Variants in NME8 observed in about 807,000 individuals in gnomAD.
NME8 encodes protein NME8.
A neutral mutation model predicts 82.3 loss-of-function variants in NME8; 72 were observed. The observed-to-expected ratio is 0.87, with a 90% confidence interval of 0.72 to 1.06. The LOEUF (loss-of-function observed/expected upper bound fraction) is 1.06, where lower values mean the gene tolerates loss of function less well. Ranked by LOEUF, NME8 falls within the 50% of genes least tolerant of loss-of-function variation. NME8 has a pLI of 0.00. For synonymous variants in NME8, 267 were observed against 228.5 expected (o/e 1.17, Z -1.52); for missense variants, 712 against 685.4 (o/e 1.04, Z -0.43).
At chr7:37,862,739 A>T (rs1438960887) in intron 7 of NME8, among the ~76,000 whole-genome samples, 1 of 151,982 alleles carries the variant, frequency 6.6e-6, no homozygotes, top group Non-Finnish European at 1.5e-5. Flanking sequence ...TGCCCTTTTG[A>T]TATTTAACAT....
chr7:37,884,307 T>C lies in NME8; in HGVS notation c.999T>C (p.Asp333=). The change falls in exon 13 of 18, where the codon GAT becomes GAC. Residue 333 remains aspartate, a synonymous_variant. Coordinates refer to ENST00000199447, the MANE Select transcript of NME8 (RefSeq NM_016616.5). ...RPNLFHERKD[D]VLRIIKDEDF... is the part of the protein sequence containing the mutation. ...TATGTAACTGTTTTTATTTAGATGA[T>C]GTTTTGCGTATTATTAAAGATGAAG... 2 of 1,574,652 alleles carry C rather than the reference T, an allele frequency of 1.3e-6. No individual in the cohort carries two copies. Among genetic ancestry groups the C allele is most frequent in the Middle Eastern group, 1.7e-4 (1 of 5,896 alleles).
chr7:37,882,619 GAAAGAAAGAAAGAAAGAA>G (rs1784977445), intron 12 of NME8, among the ~76,000 whole-genome samples: 1 of 86,784 alleles, frequency 1.2e-5, no homozygotes, highest in African/African-American at 3.4e-5. Context: ...GAGAGAGAAA[GAAAGAAAGAAAGAAAGAA>G]AGAAAGAGAA....
At chr7:37,866,957 A>G (rs1027402382) in intron 10 of NME8, among the ~76,000 whole-genome samples, 4 of 152,202 alleles carry the variant, frequency 2.6e-5, no homozygotes, top group Non-Finnish European at 4.4e-5. Context: ...GACAATCAAT[A>G]GCATTCTTCT....
Position 37,884,288 on chromosome 7 carries a change from A to G in NME8, c.995-15A>G, listed in dbSNP as rs1441019678. 6.6e-7 allele frequency: 1 copy of G among 1,520,842 alleles called. No individual in the cohort carries two copies. The highest frequency in any genetic ancestry group is 1.7e-5 in the Admixed American group (1 of 59,846). 94.2% of individuals were successfully genotyped at this position (1,520,842 alleles called of 1,614,324 possible). The stretch of plus-strand genomic sequence containing the variant: ...CTACCAGTTTAAAACTTATTATGTA[A>G]CTGTTTTTATTTAGATGATGTTTTG... On this transcript the variant is annotated splice_polypyrimidine_tract_variant and intron_variant, in intron 12 of 17. Transcript: ENST00000199447.
chr7:37,882,075 T>G (rs1784954924), intron 12 of NME8, among the ~76,000 whole-genome samples: 1 of 152,356 alleles, frequency 6.6e-6, no homozygotes, highest in Admixed American at 6.5e-5. Flanking sequence ...TTCCCTTTAT[T>G]TTTGCTCAAT....
intron 11 of NME8, among the ~76,000 whole-genome samples, chr7:37,876,042 C>T (rs1823521): frequency 0.14 from 21,606 of 151,544 alleles, 2,041 homozygotes; most frequent in African/African-American, 0.26. Context: ...TCCATCTCTA[C>T]GAAAATACAA....
chr7:37,865,496 C>G, intron 9 of NME8, 29 bp from the exon 10 acceptor site: 1 of 1,493,086 alleles, frequency 6.7e-7, no homozygotes, highest in South Asian at 1.1e-5. Context: ...CCCACGACAC[C>G]TGGATTTGAC....
chr7:37,891,303 T>C (rs1785125782), intron 15 of NME8, among the ~76,000 whole-genome samples: 1 of 151,940 alleles, frequency 6.6e-6, no homozygotes, highest in East Asian at 1.9e-4. Context: ...CTGGTTTTGC[T>C]TTTGTTGCCT....
chr7:37,884,534 A>C, intron 13 of NME8, 87 bp downstream of exon 13: 1 of 1,141,596 alleles, frequency 8.8e-7, no homozygotes, highest in Non-Finnish European at 1.3e-6. Context: ...TTAAGCTGCC[A>C]AACTCCTCAA....
At position 37,849,232 on chromosome 7, in the gene NME8, A is replaced by C. The variant is rs58822258; in HGVS notation, c.-8+176A>C. On this transcript the variant is annotated intron_variant, in intron 2 of 17. Transcript: ENST00000199447. ...AAGTTTATGTCGTGCCCCAGAAAAC[A>C]CTAGTGGCCTTGTTCTCAAGATTAA... 6.1e-3 allele frequency: 931 copies of C among 152,322 alleles called. 12 individuals are homozygous for C. The highest frequency in any genetic ancestry group is 0.021 in the African/African-American group (876 of 41,544). 9.4% of individuals were successfully genotyped at this position (152,322 alleles called of 1,614,324 possible).
At chr7:37,854,726 T>C (rs932767888) in intron 5 of NME8, among the ~76,000 whole-genome samples, 2 of 152,170 alleles carry the variant, frequency 1.3e-5, no homozygotes, top group African/African-American at 4.8e-5. Flanking sequence ...TCTCTACCAA[T>C]TTGTCTTCTG....
chr7:37,866,436 T>G (rs190773467), intron 10 of NME8, among the ~76,000 whole-genome samples: 89 of 152,304 alleles, frequency 5.8e-4, no homozygotes, highest in South Asian at 5.0e-3. Flanking sequence ...TTATGCCAAC[T>G]GTATTCGCAT....
chr7:37,899,076 C>G (rs1013644696), intron 17 of NME8, among the ~76,000 whole-genome samples: 1 of 151,736 alleles, frequency 6.6e-6, no homozygotes, highest in Non-Finnish European at 1.5e-5. Flanking sequence ...AAAAGTAAGC[C>G]TTTATGTTGG....
At chr7:37,868,336 G>A (rs1285368529) in intron 11 of NME8, among the ~76,000 whole-genome samples, 1 of 152,162 alleles carries the variant, frequency 6.6e-6, no homozygotes, top group Non-Finnish European at 1.5e-5. Flanking sequence ...TGCACTTGTA[G>A]ACATGTTGGT....
intron 11 of NME8, 65 bp from the exon 12 acceptor site, chr7:37,876,767 A>G (rs1280896723): frequency 8.5e-7 from 1 of 1,179,264 alleles, no homozygotes; most frequent in African/African-American, 1.5e-5. Flanking sequence ...ATCAGATTTA[A>G]TTTGTTGGCA....
chr7:37,887,359 A>T (rs1258487802), intron 14 of NME8, among the ~76,000 whole-genome samples: 1 of 152,138 alleles, frequency 6.6e-6, no homozygotes, highest in Non-Finnish European at 1.5e-5. Flanking sequence ...TTATAATTTT[A>T]TATCTTTGGT....
chr7:37,889,401 T>C (rs539784581), intron 15 of NME8, among the ~76,000 whole-genome samples: 1 of 151,848 alleles, frequency 6.6e-6, no homozygotes, highest in African/African-American at 2.4e-5. Context: ...CTAGTAGTTT[T>C]TTCTTATGTT....
intron 6 of NME8, among the ~76,000 whole-genome samples, chr7:37,861,065 C>T (rs541778764): frequency 6.6e-6 from 1 of 152,292 alleles, no homozygotes; most frequent in Admixed American, 6.5e-5. Flanking sequence ...AACTTGTCTG[C>T]GAATATTTTC....
At chr7:37,882,346 G>A (rs1316232156) in intron 12 of NME8, among the ~76,000 whole-genome samples, 1 of 151,950 alleles carries the variant, frequency 6.6e-6, no homozygotes, top group Non-Finnish European at 1.5e-5. Flanking sequence ...ACGTAGCCGG[G>A]CGTGGTGGCC....
Sources: allele counts gnomAD v4.1 joint callset (sites outside exome capture counted in the v4.1 genomes callset), GRCh38; gene constraint gnomAD v4.1.1; transcripts MANE v1.5; gene names NCBI Gene and HGNC (gene_info 2026-07-23, HGNC 2026-07-21).